RNF150: variants seen among roughly 807,000 people sequenced by gnomAD.
The protein encoded by RNF150 is ring finger protein 150.
In RNF150, 24 loss-of-function variants were observed where a neutral mutation model predicts 39.3. The observed-to-expected ratio is 0.61, with a 90% CI of 0.44 to 0.86. The LOEUF is 0.86. Ranked by LOEUF, RNF150 falls within the 40% of genes least tolerant of loss-of-function variation. The probability of loss-of-function intolerance (pLI) is 0.00; values close to 1 mark genes in which losing one functional copy is unlikely to be tolerated. For missense variants in RNF150, 502 were observed against 587.8 expected (o/e 0.85, Z 1.51); for synonymous variants, 255 against 227.3 (o/e 1.12, Z -1.10).
At chr4:141,026,739 A>G (rs1301123175) in intron 1 of RNF150, among the ~76,000 whole-genome samples, 1 of 152,204 alleles carries the variant, frequency 6.6e-6, no homozygotes, top group Non-Finnish European at 1.5e-5. Flanking sequence ...CTTCCTGAAA[A>G]ATAGGCAGTA....
chr4:140,869,813 G>A (rs1182257836), intron 6 of RNF150, among the ~76,000 whole-genome samples: 1 of 152,182 alleles, frequency 6.6e-6, no homozygotes, highest in Admixed American at 6.5e-5. Flanking sequence ...ATATCAGAGG[G>A]TTTTTAATTT....
chr4:141,108,985 C>G (rs1739302290), intron 1 of RNF150, among the ~76,000 whole-genome samples: 1 of 151,998 alleles, frequency 6.6e-6, no homozygotes, highest in East Asian at 1.9e-4. Context: ...ATGTATTAAC[C>G]CCATCTATAA....
At chr4:141,113,405 A>G (rs1326918470) in intron 1 of RNF150, among the ~76,000 whole-genome samples, 1 of 151,910 alleles carries the variant, frequency 6.6e-6, no homozygotes, top group Non-Finnish European at 1.5e-5. Flanking sequence ...ACCAACAAAG[A>G]TCAAAAAAGA....
At chr4:140,941,730 G>A (rs1732089137) in intron 4 of RNF150, among the ~76,000 whole-genome samples, 1 of 152,138 alleles carries the variant, frequency 6.6e-6, no homozygotes, top group Non-Finnish European at 1.5e-5. Flanking sequence ...AATGATGTTA[G>A]CGATAGTCAC....
At chr4:140,959,285 G>A (rs1732917454) in intron 2 of RNF150, among the ~76,000 whole-genome samples, 2 of 152,102 alleles carry the variant, frequency 1.3e-5, no homozygotes, top group Admixed American at 6.6e-5. Flanking sequence ...TAGCTGCCTG[G>A]GGGTGTGACA....
At chr4:140,944,773 T>G (rs1366391782) in intron 4 of RNF150, 1 of 152,144 alleles carries the variant, frequency 6.6e-6, no homozygotes, top group East Asian at 1.9e-4. Context: ...ACAGTTTTTA[T>G]GCCAAGAAGA....
At chr4:141,153,309 A>C (rs573998193) in intron 1 of RNF150, among the ~76,000 whole-genome samples, 1 of 152,238 alleles carries the variant, frequency 6.6e-6, no homozygotes, top group East Asian at 1.9e-4. Flanking sequence ...GTTTTTAAAG[A>C]GGTAATGAAG....
chr4:141,182,939 G>T (rs1014103066), intron 1 of RNF150, among the ~76,000 whole-genome samples: 4 of 151,338 alleles, frequency 2.6e-5, no homozygotes, highest in African/African-American at 7.3e-5. Flanking sequence ...TATACTACAA[G>T]GCTACAGTAA....
intron 2 of RNF150, among the ~76,000 whole-genome samples, chr4:140,962,686 T>C (rs1425427): frequency 0.5 from 75,517 of 151,698 alleles, 19,471 homozygotes; most frequent in East Asian, 0.72. Context: ...ATAAAGGATA[T>C]CATTCATTGA....
intron 1 of RNF150, among the ~76,000 whole-genome samples, chr4:141,155,610 G>A (rs1162866529): frequency 3.3e-5 from 5 of 152,164 alleles, no homozygotes; most frequent in Non-Finnish European, 7.3e-5. Flanking sequence ...AGTATGAGTA[G>A]TAAGCAAACA....
chr4:140,928,614 T>C (rs1181404541), intron 4 of RNF150, among the ~76,000 whole-genome samples: 1 of 152,208 alleles, frequency 6.6e-6, no homozygotes, highest in Non-Finnish European at 1.5e-5. Flanking sequence ...TGGCAAGATC[T>C]CGGCTCACTG....
At chr4:140,942,244 A>G (rs990130938) in intron 4 of RNF150, among the ~76,000 whole-genome samples, 1 of 152,230 alleles carries the variant, frequency 6.6e-6, no homozygotes, top group Non-Finnish European at 1.5e-5. Flanking sequence ...CTGATCTAAC[A>G]GGTAACCTTG....
At chr4:140,921,297 T>C (rs1731131994) in intron 5 of RNF150, among the ~76,000 whole-genome samples, 1 of 151,220 alleles carries the variant, frequency 6.6e-6, no homozygotes, top group Non-Finnish European at 1.5e-5. Context: ...TCACCACCGA[T>C]CCCACAGAAA....
chr4:141,188,987 T>C (rs1450422969), intron 1 of RNF150, among the ~76,000 whole-genome samples: 1 of 152,264 alleles, frequency 6.6e-6, no homozygotes, highest in African/African-American at 2.4e-5. Context: ...TCAGCATTTT[T>C]TGTGCTGGTT....
chr4:140,958,554 A>C (rs1732878405), intron 2 of RNF150, among the ~76,000 whole-genome samples: 1 of 152,108 alleles, frequency 6.6e-6, no homozygotes, highest in East Asian at 1.9e-4. Flanking sequence ...CATTCTATCA[A>C]CTGTTCCTTT....
chr4:141,172,186 T>C (rs575076432), intron 1 of RNF150, among the ~76,000 whole-genome samples: 1 of 152,218 alleles, frequency 6.6e-6, no homozygotes, highest in East Asian at 1.9e-4. Flanking sequence ...CTCTGCTCAG[T>C]GTACTTCTCT....
intron 1 of RNF150, among the ~76,000 whole-genome samples, chr4:141,189,314 C>T (rs1012894434): frequency 1.3e-5 from 2 of 152,182 alleles, no homozygotes; most frequent in Non-Finnish European, 2.9e-5. Context: ...CTGGAGCTCT[C>T]CTGTATGAGG....
At chr4:141,054,496 G>A (rs997794756) in intron 1 of RNF150, among the ~76,000 whole-genome samples, 3 of 151,930 alleles carry the variant, frequency 2.0e-5, no homozygotes, top group African/African-American at 7.2e-5. Flanking sequence ...AATTTTGGAC[G>A]TACCACCAAA....
chr4:141,127,977 A>G (rs895920500), intron 1 of RNF150, among the ~76,000 whole-genome samples: 6 of 152,224 alleles, frequency 3.9e-5, no homozygotes, highest in Admixed American at 2.0e-4. Context: ...AGAAAGTACA[A>G]ACTCAATAGG....
Sources: allele counts gnomAD v4.1 joint callset (sites outside exome capture counted in the v4.1 genomes callset), GRCh38; gene constraint gnomAD v4.1.1; transcripts MANE v1.5; gene names NCBI Gene and HGNC (gene_info 2026-07-23, HGNC 2026-07-21).